MIAT: variants seen among roughly 807,000 people sequenced by gnomAD.
MIAT encodes the protein myocardial infarction associated transcript.
intron 2 of MIAT, among the ~76,000 whole-genome samples, chr22:26,662,562 G>T (rs1225829724): frequency 6.6e-6 from 1 of 152,092 alleles, no homozygotes; most frequent in Middle Eastern, 3.2e-3. Flanking sequence ...GTTTGAATTC[G>T]TAAAGAAACA....
chr22:26,671,680 A>G (rs73163299), downstream of MIAT: 170,736 of 398,260 alleles, frequency 0.43, 38,028 homozygotes, highest in South Asian at 0.49. Flanking sequence ...AGACTCACCA[A>G]CTCTGCCACT....
At chr22:26,664,745 A>G (rs1930785110) in intron 3 of MIAT, among the ~76,000 whole-genome samples, 1 of 152,226 alleles carries the variant, frequency 6.6e-6, no homozygotes, top group Non-Finnish European at 1.5e-5. Flanking sequence ...TTGCTTTTCC[A>G]TTCATCAAGA....
At chr22:26,653,774 C>T (rs986074842) in intron 2 of MIAT, among the ~76,000 whole-genome samples, 2 of 152,178 alleles carry the variant, frequency 1.3e-5, no homozygotes, top group Non-Finnish European at 2.9e-5. Context: ...CCCCTTTGCT[C>T]TGTTGCCCAG....
At chr22:26,664,970 C>G (rs1042378051) in intron 3 of MIAT, among the ~76,000 whole-genome samples, 11 of 152,186 alleles carry the variant, frequency 7.2e-5, no homozygotes, top group African/African-American at 2.4e-4. Flanking sequence ...GGTGTGGTGG[C>G]TCATGCCTGT....
At position 26,660,430 on chromosome 22, in the gene MIAT, C is replaced by G. The variant is rs192204259; in HGVS notation, n.647-2886C>G. Among the ~76,000 whole-genome samples, 353 of 141,988 alleles carry G rather than the reference C, an allele frequency of 2.5e-3. 6 individuals are homozygous for G. Among genetic ancestry groups the G allele is most frequent in the Admixed American group, 0.022 (300 of 13,432 alleles). The allele number at this position is 141,988 out of a possible 152,430, so 93.1% of individuals were successfully genotyped here. A position where few individuals can be genotyped will look rare whatever the true frequency, so the allele number is the denominator to read the frequency against. ...TTGCAATAAGCAGAGATTACACCAC[C>G]GTACTCTAGCCTGGGTGACGGAGAC... On this transcript the variant is annotated intron_variant and non_coding_transcript_variant, in intron 2 of 5. Transcript: ENST00000643270.
At chr22:26,672,723 G>A, downstream of MIAT, 3 of 399,086 alleles carry the variant, frequency 7.5e-6, no homozygotes, top group Non-Finnish European at 1.3e-5. Flanking sequence ...AATTAGCAGA[G>A]GGGCGTGTCC....
chr22:26,676,198 C>T (rs1261222341), exon 5 of MIAT: 8 of 334,192 alleles, frequency 2.4e-5, no homozygotes, highest in South Asian at 1.7e-4. Flanking sequence ...GGGATGCTTT[C>T]GGGGTGGGGG....
chr22:26,653,771 G>T (rs1474067307), intron 2 of MIAT, among the ~76,000 whole-genome samples: 1 of 152,098 alleles, frequency 6.6e-6, no homozygotes, highest in Non-Finnish European at 1.5e-5. Flanking sequence ...CTTCCCCTTT[G>T]CTCTGTTGCC....
At chr22:26,647,374 G>GGAGAGA (rs55740419) in intron 2 of MIAT, 73 of 126,978 alleles carry the variant, frequency 5.7e-4, no homozygotes, top group South Asian at 3.1e-3. Context: ...CGTGGGGGGT[G>GGAGAGA]GAGAGAGAGA....
At chr22:26,674,273 C>G, downstream of MIAT, 1 of 398,630 alleles carries the variant, frequency 2.5e-6, no homozygotes, top group Non-Finnish European at 4.4e-6. Flanking sequence ...GGGAGTTTTT[C>G]TGGAAGGGAC....
chr22:26,651,151 C>T (rs1930329694), intron 2 of MIAT, among the ~76,000 whole-genome samples: 1 of 152,200 alleles, frequency 6.6e-6, no homozygotes, highest in Admixed American at 6.5e-5. Context: ...ATACCAAATG[C>T]AGCTCTCCTC....
At chr22:26,671,320 C>T (rs892057939), downstream of MIAT, 4 of 398,746 alleles carry the variant, frequency 1.0e-5, no homozygotes, top group Non-Finnish European at 1.8e-5. Context: ...AGTTAGACCC[C>T]CTGCCCTGGT....
intron 2 of MIAT, among the ~76,000 whole-genome samples, chr22:26,653,984 G>A (rs1399357007): frequency 3.3e-5 from 5 of 152,030 alleles, no homozygotes; most frequent in South Asian, 2.1e-4. Context: ...CAGGTGATCC[G>A]CCCACCTCGC....
exon 4 of MIAT, chr22:26,666,233 G>C: frequency 1.0e-5 from 4 of 398,644 alleles, no homozygotes; most frequent in Non-Finnish European, 1.8e-5. Context: ...AAACCTGGCA[G>C]ATGGTCCTAG....
chr22:26,663,377 C>T (rs1310214414), exon 3 of MIAT: 5 of 398,526 alleles, frequency 1.3e-5, no homozygotes, highest in Non-Finnish European at 1.8e-5. Flanking sequence ...ATGACCCCGT[C>T]GGCATCACAG....
intron 2 of MIAT, among the ~76,000 whole-genome samples, chr22:26,662,574 C>T (rs865776319): frequency 2.0e-5 from 3 of 152,170 alleles, no homozygotes; most frequent in African/African-American, 4.8e-5. Flanking sequence ...AAAGAAACAG[C>T]GCTTTAATTC....
chr22:26,666,111 C>T (rs1026346377), exon 4 of MIAT: 1 of 398,646 alleles, frequency 2.5e-6, no homozygotes, highest in Non-Finnish European at 4.4e-6. Context: ...GGACTCGTGC[C>T]CCCACTCCCG....
At chr22:26,672,256 G>A (rs1602373826), downstream of MIAT, 1 of 399,060 alleles carries the variant, frequency 2.5e-6, no homozygotes, top group Non-Finnish European at 4.4e-6. Context: ...GGCTCCCCCC[G>A]GGGGCTGGTC....
At chr22:26,657,234 G>T in intron 2 of MIAT, 1 of 336,754 alleles carries the variant, frequency 3.0e-6, no homozygotes, top group Non-Finnish European at 5.4e-6. Context: ...ACAGCGCCGC[G>T]GGTGGGGATG....
Sources: allele counts gnomAD v4.1 joint callset (sites outside exome capture counted in the v4.1 genomes callset), GRCh38; gene constraint gnomAD v4.1.1; transcripts MANE v1.5; gene names NCBI Gene and HGNC (gene_info 2026-07-23, HGNC 2026-07-21).